The following RTEL1 variants were observed in gnomAD, a reference collection of about 807,000 sequenced individuals.
The protein encoded by RTEL1 is regulator of telomere elongation helicase 1, also known as regulator of telomere length.
RTEL1 carries 86 observed loss-of-function variants against 162.2 expected under a neutral mutation model. The ratio of observed to expected loss-of-function variants is 0.53; its 90% CI spans 0.45 to 0.63. The LOEUF (loss-of-function observed/expected upper bound fraction) is 0.63, where lower values mean the gene tolerates loss of function less well. Ranked by LOEUF, RTEL1 falls within the 30% of genes least tolerant of loss-of-function variation. RTEL1 has a pLI of 0.00. For missense variants in RTEL1, 1,941 were observed against 1,750.2 expected (o/e 1.11, Z -1.95); for synonymous variants, 958 against 717.9 (o/e 1.33, Z -5.35).
chr20:63,687,116 C>A (rs1000340398), intron 16 of RTEL1: 2 of 153,712 alleles, frequency 1.3e-5, no homozygotes, highest in African/African-American at 4.8e-5. Flanking sequence ...AGGCCACGGC[C>A]GCCGTGGCCA....
intron 1 of RTEL1, chr20:63,658,722 C>T (rs995714618): frequency 1.3e-5 from 2 of 152,926 alleles, no homozygotes; most frequent in African/African-American, 2.4e-5. Flanking sequence ...CTGTTAGTCC[C>T]AGTTCCCGGG....
rs755757008 is a variant in RTEL1 at position 63,672,603 on chromosome 20, T to C, written c.747T>C (p.Phe249=). The C allele has an allele frequency of 1.3e-6, 2 of 1,585,962 alleles. No individual in the cohort carries two copies. The highest frequency in any genetic ancestry group is 3.5e-5 in the Admixed American group (2 of 56,482). Residue 249 remains phenylalanine (F), a synonymous_variant, in exon 9 of 35, where the codon TTT becomes TTC. Coordinates refer to ENST00000360203, the MANE Select transcript of RTEL1 (RefSeq NM_001283009.2). ...NIDLKGTVVI[F]DEAHNVEKMC... Reference sequence around the variant, plus strand: ...ACCTGAAGGGGACAGTCGTGATCTTTGACGAAGCTCACAACGTGGTGAGTC... The same window carrying C: ...ACCTGAAGGGGACAGTCGTGATCTTCGACGAAGCTCACAACGTGGTGAGTC...
At position 63,693,222 on chromosome 20, in the gene RTEL1, C is replaced by G. The variant is rs2090805930; in HGVS notation, c.2931C>G (p.Gly977=). The G allele has an allele frequency of 1.2e-5, 19 of 1,612,146 alleles. No homozygotes were observed. Among genetic ancestry groups the G allele is most frequent in the Non-Finnish European group, 1.6e-5 (19 of 1,179,526 alleles). The change falls in exon 30 of 35, where the codon GGC becomes GGG. Residue 977 remains glycine (G), a synonymous_variant. Coordinates refer to ENST00000360203, the MANE Select transcript of RTEL1 (RefSeq NM_001283009.2). ...TCCAGCTGACAGGACGAGGCTGTGG[C>G]TATCGGCCTGAGCACAGCATTCCCC... The part of the protein sequence containing the change: ...VCIQLTGRGC[G]YRPEHSIPRR...
At chr20:63,672,050 AT>A (rs1184684283) in intron 8 of RTEL1, among the ~76,000 whole-genome samples, 1 of 144,780 alleles carries the variant, frequency 6.9e-6, no homozygotes, top group East Asian at 2.1e-4. Context: ...CCCCCTGCTA[AT>A]TTTTGTATTT....
Position 63,662,361 on chromosome 20 carries a change from C to G in RTEL1, c.396-185C>G, listed in dbSNP as rs1569080385. ...GGGTGCTGTGGAAGCTGTCGAATCTCCTCCCTCTGTCCAGTACCCCCGCTC... is the reference window on the plus strand; with the variant it reads ...GGGTGCTGTGGAAGCTGTCGAATCTGCTCCCTCTGTCCAGTACCCCCGCTC... On this transcript the variant is annotated intron_variant, in intron 4 of 34. Transcript: ENST00000360203. 3 of 1,212,610 alleles carry G rather than the reference C, an allele frequency of 2.5e-6. No homozygotes were observed. In the East Asian group the frequency reaches 7.6e-5, roughly 31 times the overall value. The allele number at this position is 1,212,610 out of a possible 1,614,324, so 75.1% of individuals were successfully genotyped here.
At chr20:63,666,100 C>T in intron 7 of RTEL1, 21 bp downstream of exon 7, 1 of 1,601,218 alleles carries the variant, frequency 6.2e-7, no homozygotes, top group Non-Finnish European at 8.6e-7. Context: ...TCAGTGAGGC[C>T]ACGACCACTG....
In RTEL1 at chr20:63,687,495, T is replaced by G. The variant is rs936252608; in HGVS notation, c.1349-143T>G. The G allele has an allele frequency of 3.1e-6, 3 of 965,054 alleles. No individual in the cohort carries two copies. The African/African-American group carries it at 4.9e-5, about 16-fold the overall frequency. The allele number at this position is 965,054 out of a possible 1,614,324, so 59.8% of individuals were successfully genotyped here. ...CAGGGCAGCCTCCTTTGTTCTGACT[T>G]CTGCACAGTGGGCCTGGGTGGCTGC... On this transcript the variant is annotated intron_variant, in intron 16 of 34. Transcript: ENST00000360203.
chr20:63,663,687 T>G (rs919665450), intron 6 of RTEL1, among the ~76,000 whole-genome samples: 12 of 152,154 alleles, frequency 7.9e-5, no homozygotes, highest in Non-Finnish European at 1.2e-4. Context: ...TGTGCTTCTG[T>G]GGGATCAGGG....
In RTEL1 at chr20:63,690,904, T is replaced by C; in HGVS notation, c.2513T>C (p.Leu838Pro). ...AGGCCCAGGGGGCTGCTGGCCGCCC[T>C]GGAGCACAGCGAACAGCGGGCGGGG... is the stretch of plus-strand genomic sequence containing the variant. ...RQRPRGLLAA[L>P]EHSEQRAGSP... Residue 838 changes from leucine to proline, a missense_variant, in exon 27 of 35, where the codon CTG (leucine) becomes CCG (proline). Transcript: ENST00000360203. 1 of 1,578,838 alleles carries C rather than the reference T, an allele frequency of 6.3e-7. No homozygotes were observed. The highest frequency in any genetic ancestry group is 8.6e-7 in the Non-Finnish European group (1 of 1,163,042).
chr20:63,665,742 G>A (rs1393005253), intron 6 of RTEL1, among the ~76,000 whole-genome samples: 3 of 152,114 alleles, frequency 2.0e-5, no homozygotes, highest in South Asian at 2.1e-4. Context: ...TAGAACCCTC[G>A]GGATCCTGCT....
At chr20:63,693,824 C>G (rs539264874) in intron 30 of RTEL1, among the ~76,000 whole-genome samples, 1 of 144,906 alleles carries the variant, frequency 6.9e-6, no homozygotes. Context: ...AGCCCTGTCC[C>G]TGCCATAGCC....
intron 27 of RTEL1, 143 bp from the exon 28 acceptor site, chr20:63,691,599 C>T (rs770878195): frequency 1.7e-4 from 112 of 665,330 alleles, no homozygotes; most frequent in East Asian, 1.2e-3. Context: ...GCACTGTCAC[C>T]GGGGTGTGCT....
At chr20:63,664,390 C>T (rs2090083463) in intron 6 of RTEL1, among the ~76,000 whole-genome samples, 1 of 152,192 alleles carries the variant, frequency 6.6e-6, no homozygotes, top group Admixed American at 6.5e-5. Flanking sequence ...AGGGCAGTGC[C>T]CCGGTGGCTG....
chr20:63,662,410 C>CG lies in RTEL1; in HGVS notation c.396-133dup, dbSNP rs768820038. 16 of 1,543,642 alleles carry CG rather than the reference C, an allele frequency of 1.0e-5. No homozygotes were observed. In the South Asian group the frequency reaches 1.8e-4, roughly 17 times the overall value. ...TCGTCTTCTAGCTCCCTCCTACGCC[C>CG]GGGCCACGTTTCAGTTATGCTCACT... On this transcript the variant is annotated intron_variant, in intron 4 of 34. Transcript: ENST00000360203.
At chr20:63,662,792 C>A (rs367716986) in intron 5 of RTEL1, 37 bp from the exon 6 acceptor site, 6 of 1,612,184 alleles carry the variant, frequency 3.7e-6, no homozygotes, top group Non-Finnish European at 5.1e-6. Flanking sequence ...CTTTCTTGGC[C>A]GTGCTTCAGC....
In RTEL1 at chr20:63,685,516, C is replaced by G. The variant is rs1436664421; in HGVS notation, c.1192-7C>G. On this transcript the variant is annotated splice_polypyrimidine_tract_variant and splice_region_variant and intron_variant, in intron 14 of 34. Coordinates refer to ENST00000360203, the MANE Select transcript of RTEL1 (RefSeq NM_001283009.2). ...CCTGACGGGGCTGCACTTCCTCTGC[C>G]TTTCAGATTGTGTTCAGTGTGGACC... 6.2e-7 allele frequency: 1 copy of G among 1,612,236 alleles called. No homozygotes were observed. The highest frequency in any genetic ancestry group is 1.3e-5 in the African/African-American group (1 of 74,924).
intron 33 of RTEL1, 32 bp from the exon 34 acceptor site, chr20:63,695,296 G>A (rs887760967): frequency 6.3e-7 from 1 of 1,585,630 alleles, no homozygotes; most frequent in African/African-American, 1.3e-5. Context: ...CAAAGCCCCA[G>A]GCCCCCCTCA....
At chr20:63,670,391 A>G (rs1384422362) in intron 8 of RTEL1, among the ~76,000 whole-genome samples, 10 of 142,538 alleles carry the variant, frequency 7.0e-5, no homozygotes, top group East Asian at 6.0e-4. Context: ...TTTCGCCAAG[A>G]TGGGTGGAAT....
In RTEL1 at chr20:63,695,661, G is replaced by A; in HGVS notation, c.3822+11G>A. 6.2e-7 allele frequency: 1 copy of A among 1,610,988 alleles called. No homozygotes were observed. On this transcript the variant is annotated intron_variant, in intron 34 of 34. Transcript: ENST00000360203. ...CAACGGCACCTTCAGGTTGGTGCCTGGCCACTACAGTTCCTGCTGGGTGTA... is the reference window on the plus strand; with the variant it reads ...CAACGGCACCTTCAGGTTGGTGCCTAGCCACTACAGTTCCTGCTGGGTGTA...
Sources: gnomAD v4.1 joint callset for allele counts (sites outside exome capture counted in the v4.1 genomes callset) on GRCh38, gnomAD v4.1.1 for gene constraint, MANE v1.5 for transcripts, NCBI Gene and HGNC (gene_info 2026-07-23, HGNC 2026-07-21) for gene names.